Variants in PYGB observed in about 807,000 individuals in gnomAD.
The protein encoded by PYGB is glycogen phosphorylase B.
PYGB carries 82 observed loss-of-function variants against 94.3 expected under a neutral mutation model. That is an observed-to-expected ratio of 0.87 (90% CI 0.73 to 1.04). The LOEUF (loss-of-function observed/expected upper bound fraction) is 1.04. PYGB is among the 50% of genes least tolerant of loss of function. The probability of loss-of-function intolerance (pLI) is 0.00; values close to 1 mark genes in which losing one functional copy is unlikely to be tolerated. For missense variants in PYGB, 1,132 were observed against 1,158.2 expected, an observed-to-expected ratio of 0.98 and a Z score of 0.33; for synonymous variants, 488 against 479.1, an observed-to-expected ratio of 1.02 and a Z score of -0.24.
intron 19 of PYGB, 38 bp from the exon 20 acceptor site, chr20:25,296,331 CT>C (rs2088543893): frequency 6.2e-7 from 1 of 1,612,096 alleles, no homozygotes; most frequent in Admixed American, 1.7e-5. Flanking sequence ...GCCCCAAGCC[CT>C]GTGACGCCAG....
At chr20:25,281,625 G>C (rs2088368044) in intron 11 of PYGB, among the ~76,000 whole-genome samples, 1 of 152,102 alleles carries the variant, frequency 6.6e-6, no homozygotes, top group South Asian at 2.1e-4. Flanking sequence ...TGGGCTGCAG[G>C]CTCTGTGCGT....
chr20:25,248,551 G>A (rs2092877851), intron 1 of PYGB, 130 bp downstream of exon 1: 4 of 1,171,790 alleles, frequency 3.4e-6, no homozygotes, highest in South Asian at 8.4e-5. Context: ...CGGCGGCCAG[G>A]CACAGCCGAC....
intron 18 of PYGB, chr20:25,295,038 A>T: frequency 6.2e-7 from 1 of 1,614,156 alleles, no homozygotes; most frequent in Non-Finnish European, 8.5e-7. Flanking sequence ...GGTCTGTGAT[A>T]AAGGAAGTGC....
In PYGB at chr20:25,280,296, T is replaced by C. The variant is rs1018746011; in HGVS notation, c.1123T>C (p.Tyr375His). 1 of 1,614,206 alleles carries C rather than the reference T, an allele frequency of 6.2e-7. No homozygotes were observed. The highest frequency in any genetic ancestry group is 1.7e-5 in the Admixed American group (1 of 60,034). Residue 375 changes from tyrosine (Y) to histidine (H), a missense_variant, in exon 10 of 20, where the codon TAC (tyrosine) becomes CAC (histidine). Coordinates refer to ENST00000216962, the MANE Select transcript of PYGB (RefSeq NM_002862.4). ...GGAAATCACGAAGAAGACCTGTGCA[T>C]ACACCAACCACACTGTGCTGCCTGA... ...AWEITKKTCAYTNHTVLPEAL... is the reference protein window; with the variant it reads ...AWEITKKTCAHTNHTVLPEAL...
At chr20:25,288,104 C>T (rs1333853750) in intron 14 of PYGB, 1 of 464,954 alleles carries the variant, frequency 2.2e-6, no homozygotes, top group African/African-American at 2.0e-5. Flanking sequence ...GCAGCTTTTC[C>T]TCTGAGCCCC....
chr20:25,271,115 T>TG (rs1369986177), intron 3 of PYGB, among the ~76,000 whole-genome samples: 1 of 152,108 alleles, frequency 6.6e-6, no homozygotes, highest in East Asian at 1.9e-4. Flanking sequence ...GCTTCGTGCT[T>TG]GGAGAGGTTC....
At chr20:25,253,205 G>A (rs2092893187) in intron 1 of PYGB, among the ~76,000 whole-genome samples, 1 of 152,186 alleles carries the variant, frequency 6.6e-6, no homozygotes, top group African/African-American at 2.4e-5. Context: ...GCTTGCCTGG[G>A]TCTCCAGCCT....
intron 8 of PYGB, 146 bp from the exon 9 acceptor site, chr20:25,278,911 C>T (rs993897587): frequency 3.2e-5 from 24 of 749,808 alleles, no homozygotes; most frequent in Non-Finnish European, 5.0e-5. Context: ...CCTGCTCCCT[C>T]CACAGAACCC....
intron 1 of PYGB, among the ~76,000 whole-genome samples, chr20:25,252,720 C>T (rs1041944819): frequency 2.5e-4 from 38 of 152,248 alleles, no homozygotes; most frequent in Non-Finnish European, 4.7e-4. Flanking sequence ...GTGCCACTGT[C>T]CCAGCACCTC....
chr20:25,272,424 A>G (rs755892861), intron 4 of PYGB, among the ~76,000 whole-genome samples: 5 of 152,226 alleles, frequency 3.3e-5, no homozygotes, highest in Non-Finnish European at 7.3e-5. Context: ...AACCCAAAAC[A>G]TAAACGCAAG....
chr20:25,268,563 C>T (rs1403493153), intron 2 of PYGB, among the ~76,000 whole-genome samples: 1 of 151,900 alleles, frequency 6.6e-6, no homozygotes, highest in Non-Finnish European at 1.5e-5. Flanking sequence ...CTTCTGAGAC[C>T]AAAAAGTTTA....
At chr20:25,276,491 G>A (rs976235645) in intron 5 of PYGB, among the ~76,000 whole-genome samples, 155 bp from the exon 6 acceptor site, 13 of 151,968 alleles carry the variant, frequency 8.6e-5, no homozygotes, top group African/African-American at 2.9e-4. Context: ...CTGTGGTGCC[G>A]AGCATGGGCT....
chr20:25,261,486 C>T (rs548752783), intron 2 of PYGB, among the ~76,000 whole-genome samples: 1 of 152,310 alleles, frequency 6.6e-6, no homozygotes, highest in East Asian at 1.9e-4. Context: ...CTGTACGTCA[C>T]CATCATCAAA....
intron 4 of PYGB, among the ~76,000 whole-genome samples, chr20:25,272,453 C>T (rs753841250): frequency 2.2e-4 from 34 of 152,208 alleles, no homozygotes; most frequent in Non-Finnish European, 3.7e-4. Flanking sequence ...GTCCATGACA[C>T]GCACAGCGAT....
chr20:25,279,691 C>T (rs2088348185), intron 9 of PYGB, among the ~76,000 whole-genome samples: 1 of 151,888 alleles, frequency 6.6e-6, no homozygotes, highest in African/African-American at 2.4e-5. Flanking sequence ...AAGACCCCAC[C>T]TCTAAAAAAA....
Position 25,297,753 on chromosome 20 carries a change from T to C in PYGB, c.*1231T>C, listed in dbSNP as rs1333127453. The C allele has an allele frequency of 6.6e-6, 1 of 152,280 alleles. No individual in the cohort carries two copies. Among genetic ancestry groups the C allele is most frequent in the East Asian group, 1.9e-4 (1 of 5,192 alleles). 9.4% of individuals were successfully genotyped at this position (152,280 alleles called of 1,614,324 possible). A position where few individuals can be genotyped will look rare whatever the true frequency, so the allele number is the denominator to read the frequency against. On this transcript the variant is annotated 3_prime_UTR_variant, in exon 20 of 20. Transcript: ENST00000216962. ...CTGGGCTGCGGGGAGGCTCTTTTTC[T>C]CCCTGGCCTCCAGTGCCCACCAGGA...
chr20:25,248,493 G>C lies in PYGB; in HGVS notation c.243+72G>C. 3 of 1,287,318 alleles carry C rather than the reference G, an allele frequency of 2.3e-6. 1 individual carries two copies. The South Asian group carries it at 7.1e-5, about 31-fold the overall frequency. The allele number at this position is 1,287,318 out of a possible 1,614,324, so 79.7% of individuals were successfully genotyped here. The stretch of plus-strand genomic sequence containing the variant: ...CCGGTCCCGGAGCCGCGCCAGCGGG[G>C]GTCTCTGCGGGGCGGCCCGTCGGGC... On this transcript the variant is annotated intron_variant, in intron 1 of 19. Coordinates refer to ENST00000216962, the MANE Select transcript of PYGB (RefSeq NM_002862.4).
At chr20:25,268,983 C>G in intron 2 of PYGB, 146 bp from the exon 3 acceptor site, 2 of 689,628 alleles carry the variant, frequency 2.9e-6, no homozygotes, top group Non-Finnish European at 5.0e-6. Flanking sequence ...GATTTAACAT[C>G]AAATTTTAAC....
At chr20:25,293,988 C>T (rs964953271) in intron 17 of PYGB, 170 bp from the exon 18 acceptor site, 3 of 795,250 alleles carry the variant, frequency 3.8e-6, no homozygotes, top group Admixed American at 2.6e-5. Flanking sequence ...GGTCCCTGCT[C>T]AAGGGCCTCG....
Sources: allele counts gnomAD v4.1 joint callset (sites outside exome capture counted in the v4.1 genomes callset), GRCh38; gene constraint gnomAD v4.1.1; transcripts MANE v1.5; gene names NCBI Gene and HGNC (gene_info 2026-07-23, HGNC 2026-07-21).